The following CIMAP1C variants were observed in gnomAD, a reference collection of about 807,000 sequenced individuals.
The protein encoded by CIMAP1C is ciliary microtubule associated protein 1C, also known as outer dense fiber of sperm tails 3 like 1.
At chr15:75,724,375 C>A in the CIMAP1C span, 1 of 1,184,602 alleles carries the variant, frequency 8.4e-7, no homozygotes, top group Non-Finnish European at 1.3e-6. Context: ...GGACTCCTTC[C>A]AGCCTGCCTC....
At chr15:75,726,456 A>G in the CIMAP1C span, among the ~76,000 whole-genome samples, 1 of 152,160 alleles carries the variant, frequency 6.6e-6, no homozygotes, top group Non-Finnish European at 1.5e-5. Context: ...TGATCTCAGA[A>G]TGTTTCTGTG....
At chr15:75,726,202 G>A in the CIMAP1C span, 9 of 1,233,500 alleles carry the variant, frequency 7.3e-6, no homozygotes, top group South Asian at 1.3e-5. Context: ...GATGTTGGGG[G>A]TTGGGAGGTT....
At chr15:75,725,961 A>C in the CIMAP1C span, 1 of 719,520 alleles carries the variant, frequency 1.4e-6, no homozygotes, top group Non-Finnish European at 2.4e-6. Flanking sequence ...GAGCCACAGA[A>C]TCTGAAGTGG....
At chr15:75,727,529 A>C in the CIMAP1C span, 1 of 1,582,118 alleles carries the variant, frequency 6.3e-7, no homozygotes, top group East Asian at 2.3e-5. Flanking sequence ...GGTCATCGAC[A>C]TTCGTGACTG....
chr15:75,727,154 C>T, the CIMAP1C span: 14 of 1,614,078 alleles, frequency 8.7e-6, no homozygotes, highest in Non-Finnish European at 1.1e-5. Flanking sequence ...TGGCTACCGG[C>T]GCCCATACAG....
chr15:75,724,404 C>T, the CIMAP1C span: 1 of 897,150 alleles, frequency 1.1e-6, no homozygotes, highest in East Asian at 2.4e-5. Context: ...CCCCTTCCAA[C>T]TTCCTTGAAG....
the CIMAP1C span, chr15:75,727,488 G>C: frequency 6.2e-7 from 1 of 1,611,180 alleles, no homozygotes. Context: ...TTCACCATGG[G>C]CATCAAGCAC....
At chr15:75,724,325 C>T in the CIMAP1C span, 3 of 1,583,934 alleles carry the variant, frequency 1.9e-6, no homozygotes, top group East Asian at 6.7e-5. Flanking sequence ...AAGGTGAGAG[C>T]CATCCCCACC....
the CIMAP1C span, chr15:75,727,359 G>A: frequency 1.6e-4 from 255 of 1,614,074 alleles, no homozygotes; most frequent in African/African-American, 1.4e-3. Flanking sequence ...TATCAGAACC[G>A]CAGCCCTACT....
the CIMAP1C span, chr15:75,725,092 C>T: frequency 6.3e-7 from 1 of 1,592,340 alleles, no homozygotes; most frequent in African/African-American, 1.3e-5. Flanking sequence ...GAGGGCTGTC[C>T]TGTCCATCCT....
At chr15:75,724,959 C>A in the CIMAP1C span, 2 of 589,082 alleles carry the variant, frequency 3.4e-6, no homozygotes, top group Non-Finnish European at 6.1e-6. Context: ...TTCCCCCAAA[C>A]GAAGCAGCTG....
chr15:75,725,129 T>G, the CIMAP1C span: 1 of 1,613,878 alleles, frequency 6.2e-7, no homozygotes, highest in South Asian at 1.1e-5. Context: ...GCCAAGTACC[T>G]CCGGCCATCC....
At chr15:75,726,296 C>A in the CIMAP1C span, 1 of 636,394 alleles carries the variant, frequency 1.6e-6, no homozygotes, top group Admixed American at 2.6e-5. Flanking sequence ...GCCGGTATCT[C>A]CCTGCAAGAC....
the CIMAP1C span, among the ~76,000 whole-genome samples, chr15:75,724,641 T>C: frequency 6.6e-6 from 1 of 152,390 alleles, no homozygotes; most frequent in East Asian, 1.9e-4. Context: ...GACTGACTAG[T>C]GCTCTAAGTG....
the CIMAP1C span, chr15:75,726,055 C>T: frequency 2.5e-6 from 4 of 1,607,668 alleles, no homozygotes; most frequent in African/African-American, 4.0e-5. Context: ...GGTTGCCCTG[C>T]AGGGATGGTG....
chr15:75,726,143 C>A, the CIMAP1C span: 1 of 1,613,442 alleles, frequency 6.2e-7, no homozygotes, highest in East Asian at 2.2e-5. Flanking sequence ...GCCCGCAGGT[C>A]CCCATGGAGG....
chr15:75,724,185 T>A, the CIMAP1C span: 1 of 1,580,376 alleles, frequency 6.3e-7, no homozygotes, highest in Non-Finnish European at 8.7e-7. Context: ...TGCTGCTCCC[T>A]GCCCAGCCCC....
chr15:75,726,092 T>A, the CIMAP1C span: 2 of 1,613,964 alleles, frequency 1.2e-6, no homozygotes, highest in African/African-American at 2.7e-5. Context: ...GGCCTTGCTA[T>A]CTCTTGGATC....
At chr15:75,726,223 G>T in the CIMAP1C span, 3 of 1,212,320 alleles carry the variant, frequency 2.5e-6, no homozygotes, top group South Asian at 1.3e-5. Context: ...GGGGGGTGGG[G>T]TGCACCCTTA....
Sources: gnomAD v4.1 joint callset for allele counts (sites outside exome capture counted in the v4.1 genomes callset) on GRCh38, gnomAD v4.1.1 for gene constraint, MANE v1.5 for transcripts, NCBI Gene and HGNC (gene_info 2026-07-23, HGNC 2026-07-21) for gene names.